The following SVIL variants were observed in gnomAD, a reference collection of about 807,000 sequenced individuals.
SVIL encodes the protein archvillin.
A neutral mutation model predicts 240.4 loss-of-function variants in SVIL; 101 were observed. The observed-to-expected ratio is 0.42, with a 90% CI of 0.36 to 0.50. The LOEUF (loss-of-function observed/expected upper bound fraction) is 0.50. Ranked by LOEUF, SVIL falls within the 20% of genes least tolerant of loss-of-function variation. SVIL has a pLI of 0.01. For missense variants in SVIL, 2,512 were observed against 2,818.7 expected (o/e 0.89, Z 2.46); for synonymous variants, 999 against 1,100.0 (o/e 0.91, Z 1.82).
chr10:29,694,989 C>T (rs1427004632), intron 1 of SVIL, among the ~76,000 whole-genome samples: 1 of 152,146 alleles, frequency 6.6e-6, no homozygotes, highest in Non-Finnish European at 1.5e-5. Flanking sequence ...TTCTGCATGC[C>T]TCGCACAATG....
chr10:29,515,983 C>T (rs977209351), intron 16 of SVIL, among the ~76,000 whole-genome samples: 12 of 152,080 alleles, frequency 7.9e-5, no homozygotes, highest in Non-Finnish European at 1.5e-4. Flanking sequence ...AACGTGGGTA[C>T]ATCCGGGTCA....
At chr10:29,714,948 T>TAAAAAAAAA (rs61107910) in intron 1 of SVIL, among the ~76,000 whole-genome samples, 17 of 77,846 alleles carry the variant, frequency 2.2e-4, no homozygotes, top group East Asian at 3.3e-4. Context: ...TGTCTGAAAT[T>TAAAAAAAAA]AAAAAAAAAA....
rs751573103 is a variant in SVIL, at chr10:29,523,551, A to T, written c.3063T>A (p.Ala1021=). Residue 1021 remains alanine (A), a synonymous_variant, in exon 15 of 38, where the codon GCT becomes GCA. Transcript: ENST00000355867. ...LGDEPKEFSM[A]KMNAQGNLDL... ...CCAAGTTTCCTTGTGCATTCATTTTAGCCATGGAAAATTCCTTCGGTTCAT... is the reference window on the plus strand; with the variant it reads ...CCAAGTTTCCTTGTGCATTCATTTTTGCCATGGAAAATTCCTTCGGTTCAT... 1 of 1,614,154 alleles carries T rather than the reference A, an allele frequency of 6.2e-7. No homozygotes were observed. Among genetic ancestry groups the T allele is most frequent in the Non-Finnish European group, 8.5e-7 (1 of 1,180,028 alleles).
intron 21 of SVIL, among the ~76,000 whole-genome samples, chr10:29,491,998 C>T (rs927513974): frequency 1.3e-5 from 2 of 152,184 alleles, no homozygotes; most frequent in Non-Finnish European, 2.9e-5. Flanking sequence ...TCAGGAGCAG[C>T]TTGTAGAAAA....
At chr10:29,486,034 G>A in intron 26 of SVIL, 51 bp downstream of exon 26, 3 of 1,610,560 alleles carry the variant, frequency 1.9e-6, no homozygotes, top group Non-Finnish European at 2.5e-6. Flanking sequence ...AGCCTGTGCT[G>A]AGTGCTTTCA....
chr10:29,701,461 G>A (rs1962510526), intron 1 of SVIL, among the ~76,000 whole-genome samples: 1 of 152,202 alleles, frequency 6.6e-6, no homozygotes, highest in South Asian at 2.1e-4. Flanking sequence ...AGAAGAGAGA[G>A]ATGTATAACG....
chr10:29,712,278 G>T (rs2132670951), intron 1 of SVIL, among the ~76,000 whole-genome samples: 1 of 152,316 alleles, frequency 6.6e-6, no homozygotes, highest in Middle Eastern at 3.4e-3. Flanking sequence ...AGGTGTTTAG[G>T]TCATGGGCGT....
intron 1 of SVIL, 143 bp downstream of exon 1, chr10:29,634,277 C>T (rs1030507873): frequency 6.7e-6 from 1 of 149,196 alleles, no homozygotes; most frequent in Non-Finnish European, 1.5e-5. Flanking sequence ...AACTGGCAAA[C>T]GCTGGCAGGA....
chr10:29,604,446 T>G (rs1356899197), intron 1 of SVIL, among the ~76,000 whole-genome samples: 1 of 136,728 alleles, frequency 7.3e-6, no homozygotes, highest in Non-Finnish European at 1.5e-5. Context: ...GGTCTCAAAC[T>G]CCTGGACTCA....
rs536527262 is a variant in SVIL, at chr10:29,706,545, G to C, written c.-399-19894C>G. ...TTGTTTAAGTTCCTTGCAGATTTTG[G>C]ATATTAGACCTCTGTCAGATGGGTA... On this transcript the variant is annotated intron_variant, in intron 1 of 35. Transcript: ENST00000375400. 5.1e-4 allele frequency among the ~76,000 whole-genome samples: 78 copies of C among 152,176 alleles called. 2 individuals carry two copies. Among genetic ancestry groups the C allele is most frequent in the African/African-American group, 1.7e-3 (72 of 41,536 alleles).
In SVIL at chr10:29,516,542, C is replaced by G. The variant is rs61849345; in HGVS notation, c.3390-3681G>C. Among the ~76,000 whole-genome samples the G allele has an allele frequency of 1.1e-3, 172 of 152,254 alleles. 1 individual carries two copies. The highest frequency in any genetic ancestry group is 3.9e-3 in the African/African-American group (164 of 41,558). On this transcript the variant is annotated intron_variant, in intron 16 of 37. Transcript: ENST00000355867. Reference sequence around the variant, plus strand: ...GCAGACCACCAGGCTCTGAGAGGGTCGAGGAGCCGACGTCTGGGCCTACGC... The same window carrying G: ...GCAGACCACCAGGCTCTGAGAGGGTGGAGGAGCCGACGTCTGGGCCTACGC...
intron 5 of SVIL, among the ~76,000 whole-genome samples, chr10:29,554,232 C>G (rs55815154): frequency 0.35 from 53,388 of 151,476 alleles, 9,590 homozygotes; most frequent in African/African-American, 0.42. Flanking sequence ...GATCACTTGA[C>G]CTTGGGAGGT....
At chr10:29,491,958 T>C (rs527415482) in intron 21 of SVIL, among the ~76,000 whole-genome samples, 118 of 152,282 alleles carry the variant, frequency 7.7e-4, no homozygotes, top group African/African-American at 2.6e-3. Context: ...CTGAAACAAA[T>C]TGAGCAAACT....
chr10:29,646,252 T>G (rs1958654092), intron 3 of SVIL, among the ~76,000 whole-genome samples: 1 of 152,232 alleles, frequency 6.6e-6, no homozygotes, highest in Admixed American at 6.5e-5. Flanking sequence ...TTCTGCTGGC[T>G]TTGTGCAGGC....
rs57479630 is a variant in SVIL, at chr10:29,481,133, G to GGTGTGTGTGTGTGTGT, written c.5101-336_5101-321dup. On this transcript the variant is annotated intron_variant, in intron 28 of 37. Transcript: ENST00000355867. The stretch of plus-strand genomic sequence containing the variant: ...CCTGGGAAGGCTTCCTAGCTTTAAG[G>GGTGTGTGTGTGTGTGT]GTGTGTGTGTGTGTGTGTGTGTGTG... Among the ~76,000 whole-genome samples the GGTGTGTGTGTGTGTGT allele has an allele frequency of 4.1e-3, 583 of 141,358 alleles. 2 individuals are homozygous for GGTGTGTGTGTGTGTGT. The highest frequency in any genetic ancestry group is 0.01 in the African/African-American group (381 of 37,574). The allele number at this position is 141,358 out of a possible 152,430, so 92.7% of individuals were successfully genotyped here.
intron 10 of SVIL, 121 bp downstream of exon 10, chr10:29,531,133 C>A: frequency 2.2e-6 from 2 of 929,336 alleles, no homozygotes; most frequent in South Asian, 3.2e-5. Context: ...CGAAAACCTG[C>A]AGCAAAGGGA....
intron 2 of SVIL, among the ~76,000 whole-genome samples, chr10:29,674,814 GA>G (rs1960075220): frequency 6.6e-6 from 1 of 152,128 alleles, no homozygotes; most frequent in African/African-American, 2.4e-5. Context: ...CCAGCTTCTA[GA>G]GGCCACCTGC....
intron 6 of SVIL, among the ~76,000 whole-genome samples, chr10:29,547,296 C>A (rs945477130): frequency 6.6e-6 from 1 of 152,126 alleles, no homozygotes; most frequent in African/African-American, 2.4e-5. Context: ...TTTTCCATCC[C>A]TCTTTATGTA....
At chr10:29,544,931 A>G (rs375657751) in intron 6 of SVIL, 39 of 521,308 alleles carry the variant, frequency 7.5e-5, no homozygotes, top group Admixed American at 4.7e-4. Context: ...AGCCAATTCC[A>G]TTCCAGTAAT....
Sources: allele counts gnomAD v4.1 joint callset (sites outside exome capture counted in the v4.1 genomes callset), GRCh38; gene constraint gnomAD v4.1.1; transcripts MANE v1.5; gene names NCBI Gene and HGNC (gene_info 2026-07-23, HGNC 2026-07-21).